The following TBC1D19 variants were observed in gnomAD, a reference collection of about 807,000 sequenced individuals.
The protein encoded by TBC1D19 is TBC1 domain family member 19, also known as TBC1 domain family, member 19.
In TBC1D19, 60 loss-of-function variants were observed where a neutral mutation model predicts 89.0. The ratio of observed to expected loss-of-function variants is 0.67; its 90% confidence interval spans 0.55 to 0.84. TBC1D19 has a LOEUF of 0.84. Among genes scored for constraint, TBC1D19 ranks in the 40% least tolerant of loss-of-function variants. The probability of loss-of-function intolerance (pLI) is 0.00; values close to 1 mark genes in which losing one functional copy is unlikely to be tolerated. For synonymous variants in TBC1D19, 189 were observed against 199.7 expected, an observed-to-expected ratio of 0.95 and a Z score of 0.45; for missense variants, 500 against 610.8, an observed-to-expected ratio of 0.82 and a Z score of 1.91.
the TBC1D19 span, among the ~76,000 whole-genome samples, chr4:26,779,731 G>C: frequency 6.6e-6 from 1 of 152,186 alleles, no homozygotes; most frequent in African/African-American, 2.4e-5. Flanking sequence ...AACTTGATTT[G>C]TTTTTCATCA....
chr4:26,846,846 T>G, the TBC1D19 span, among the ~76,000 whole-genome samples: 4 of 152,136 alleles, frequency 2.6e-5, no homozygotes, highest in Admixed American at 6.5e-5. Context: ...TTATTGAGAG[T>G]ATGTCTACCT....
At chr4:26,829,959 A>G in the TBC1D19 span, among the ~76,000 whole-genome samples, 1 of 152,144 alleles carries the variant, frequency 6.6e-6, no homozygotes, top group South Asian at 2.1e-4. Context: ...GGGAATGGCA[A>G]TGGCTTCTGC....
intron 3 of TBC1D19, 56 bp from the exon 4 acceptor site, chr4:26,620,557 T>TA (rs1341317103): frequency 7.0e-7 from 1 of 1,425,250 alleles, no homozygotes; most frequent in Non-Finnish European, 9.9e-7. Context: ...CAGAGGTAAG[T>TA]AATATCTAAC....
At chr4:26,749,860 C>T (rs917272743) in intron 19 of TBC1D19, among the ~76,000 whole-genome samples, 1 of 152,152 alleles carries the variant, frequency 6.6e-6, no homozygotes, top group Non-Finnish European at 1.5e-5. Context: ...ATGTTTTTAG[C>T]AACTTCTAGT....
chr4:26,638,737 G>T, intron 5 of TBC1D19, 34 bp from the exon 6 acceptor site: 1 of 1,553,974 alleles, frequency 6.4e-7, no homozygotes, highest in South Asian at 1.2e-5. Flanking sequence ...TTCAAAAAAT[G>T]AAATGAAACC....
chr4:26,641,547 G>C (rs1230748885), intron 7 of TBC1D19, among the ~76,000 whole-genome samples: 1 of 152,194 alleles, frequency 6.6e-6, no homozygotes, highest in Non-Finnish European at 1.5e-5. Context: ...CTCCTTGCCA[G>C]CAGTGGAACA....
At chr4:26,852,543 C>T in the TBC1D19 span, among the ~76,000 whole-genome samples, 6 of 151,998 alleles carry the variant, frequency 3.9e-5, no homozygotes, top group Admixed American at 2.6e-4. Context: ...GGTGACAGGG[C>T]GAGACCCTGT....
rs367869089 is a variant in TBC1D19, at chr4:26,648,621, A to G, written c.480+8434A>G. 3.3e-5 allele frequency among the ~76,000 whole-genome samples: 5 copies of G among 152,228 alleles called. No homozygotes were observed. The East Asian group carries it at 5.8e-4, about 18-fold the overall frequency. On this transcript the variant is annotated intron_variant, in intron 7 of 20. Transcript: ENST00000264866. ...TCAATGAATGAAGGTTTCACATTTT[A>G]TCTCTTTACATTTGCTAAAGTAAAA...
At chr4:26,770,324 T>C in the TBC1D19 span, among the ~76,000 whole-genome samples, 1 of 152,072 alleles carries the variant, frequency 6.6e-6, no homozygotes, top group Non-Finnish European at 1.5e-5. Context: ...GCAAGCATTA[T>C]CATGTTAAAG....
chr4:26,699,014 T>G (rs1305614847), intron 13 of TBC1D19, among the ~76,000 whole-genome samples: 3 of 151,926 alleles, frequency 2.0e-5, no homozygotes, highest in African/African-American at 4.8e-5. Context: ...TTGACAAATG[T>G]TATCTAATTA....
At chr4:26,772,418 T>A in the TBC1D19 span, among the ~76,000 whole-genome samples, 1 of 152,018 alleles carries the variant, frequency 6.6e-6, no homozygotes, top group East Asian at 1.9e-4. Context: ...GTACCTCCAT[T>A]TGGAGTCCTC....
At chr4:26,775,790 G>A in the TBC1D19 span, among the ~76,000 whole-genome samples, 12 of 151,900 alleles carry the variant, frequency 7.9e-5, no homozygotes, top group Admixed American at 7.9e-4. Flanking sequence ...ACAAATAAAG[G>A]GCTTTCCCTT....
intron 1 of TBC1D19, among the ~76,000 whole-genome samples, chr4:26,597,805 T>C (rs1740327470): frequency 6.6e-6 from 1 of 152,178 alleles, no homozygotes; most frequent in African/African-American, 2.4e-5. Context: ...ATACTTCATA[T>C]TCTGTTTTCT....
chr4:26,837,388 G>A, the TBC1D19 span, among the ~76,000 whole-genome samples: 1 of 152,188 alleles, frequency 6.6e-6, no homozygotes, highest in South Asian at 2.1e-4. Flanking sequence ...TAGAGGCACT[G>A]GTTGGATGAG....
chr4:26,657,056 G>GTTCTTCTTC (rs59336873), intron 7 of TBC1D19, among the ~76,000 whole-genome samples: 161 of 121,126 alleles, frequency 1.3e-3, no homozygotes, highest in African/African-American at 5.2e-3. Context: ...TCCTCTTCTT[G>GTTCTTCTTC]TTCTTCTTCT....
the TBC1D19 span, among the ~76,000 whole-genome samples, chr4:26,788,708 T>C: frequency 1.3e-5 from 2 of 152,198 alleles, no homozygotes; most frequent in East Asian, 1.9e-4. Flanking sequence ...AGGACCACTT[T>C]GAAAACCTTT....
chr4:26,608,035 T>A (rs1741117281), intron 1 of TBC1D19, among the ~76,000 whole-genome samples: 1 of 152,228 alleles, frequency 6.6e-6, no homozygotes, highest in African/African-American at 2.4e-5. Context: ...AGTGAACTTG[T>A]CATACCACAT....
intron 13 of TBC1D19, among the ~76,000 whole-genome samples, chr4:26,692,744 G>A (rs1714413467): frequency 1.3e-5 from 2 of 152,186 alleles, no homozygotes; most frequent in Non-Finnish European, 2.9e-5. Context: ...GAGATAACTA[G>A]GAGGAGTCCT....
chr4:26,787,381 C>T, the TBC1D19 span, among the ~76,000 whole-genome samples: 5 of 152,026 alleles, frequency 3.3e-5, no homozygotes, highest in Admixed American at 2.0e-4. Flanking sequence ...GGATTACAGG[C>T]GTGAGCCACA....
Sources: allele counts gnomAD v4.1 joint callset (sites outside exome capture counted in the v4.1 genomes callset), GRCh38; gene constraint gnomAD v4.1.1; transcripts MANE v1.5; gene names NCBI Gene and HGNC (gene_info 2026-07-23, HGNC 2026-07-21).